THSD4: variants seen among roughly 807,000 people sequenced by gnomAD.
THSD4 encodes thrombospondin type-1 domain-containing protein 4.
In THSD4, 69 loss-of-function variants were observed where a neutral mutation model predicts 119.0. That is an observed-to-expected ratio of 0.58 (90% CI 0.48 to 0.71). The LOEUF is 0.71. Among genes scored for constraint, THSD4 ranks in the 30% least tolerant of loss-of-function variants. THSD4 has a pLI of 0.00. For missense variants in THSD4, 1,393 were observed against 1,391.1 expected, an observed-to-expected ratio of 1.00 and a Z score of -0.02; for synonymous variants, 524 against 540.4, an observed-to-expected ratio of 0.97 and a Z score of 0.42.
chr15:71,741,530 T>C (rs2053235016), intron 11 of THSD4, among the ~76,000 whole-genome samples: 1 of 151,986 alleles, frequency 6.6e-6, no homozygotes, highest in African/African-American at 2.4e-5. Context: ...CTGAACAATC[T>C]CTTTCTCTAG....
chr15:71,623,641 G>A lies in THSD4; in HGVS notation c.1153-36889G>A, dbSNP rs574084369. On this transcript the variant is annotated intron_variant, in intron 7 of 17. Transcript: ENST00000261862. The stretch of plus-strand genomic sequence containing the variant: ...AAGTTTAAAATCTAATCAGAGAATC[G>A]GCCGGAAGCAGTGGCTCACGCCTGT... 2.2e-3 allele frequency among the ~76,000 whole-genome samples: 334 copies of A among 152,190 alleles called. 2 individuals are homozygous for A. Among genetic ancestry groups the A allele is most frequent in the African/African-American group, 7.7e-3 (319 of 41,524 alleles).
chr15:71,389,834 G>C (rs2046351818), intron 6 of THSD4, among the ~76,000 whole-genome samples: 1 of 12,698 alleles, frequency 7.9e-5, no homozygotes. Flanking sequence ...TTTTGACACA[G>C]AGTCTCGCTC....
intron 7 of THSD4, among the ~76,000 whole-genome samples, chr15:71,659,313 C>T (rs1418455070): frequency 6.6e-6 from 1 of 152,174 alleles, no homozygotes; most frequent in East Asian, 1.9e-4. Flanking sequence ...ACATGAGTCC[C>T]AATTTTAGAT....
chr15:71,759,881 T>C (rs1261785903), intron 15 of THSD4, among the ~76,000 whole-genome samples: 2 of 152,156 alleles, frequency 1.3e-5, no homozygotes, highest in African/African-American at 4.8e-5. Flanking sequence ...AAAGGATTTG[T>C]TGCCCTGTTG....
At chr15:71,704,656 G>A (rs1285388253) in intron 8 of THSD4, among the ~76,000 whole-genome samples, 1 of 152,214 alleles carries the variant, frequency 6.6e-6, no homozygotes, top group Admixed American at 6.5e-5. Context: ...TCAGAGCTAA[G>A]TATTTATTCA....
At chr15:71,640,467 G>A (rs1013808473) in intron 7 of THSD4, among the ~76,000 whole-genome samples, 2 of 152,110 alleles carry the variant, frequency 1.3e-5, no homozygotes, top group Admixed American at 6.5e-5. Flanking sequence ...GAGCCAGGGG[G>A]TTGCCAGGAC....
chr15:71,242,330 T>A (rs2044159741), intron 4 of THSD4, among the ~76,000 whole-genome samples: 1 of 152,232 alleles, frequency 6.6e-6, no homozygotes. Flanking sequence ...CCTACAAAAA[T>A]GCCCAGACTC....
chr15:71,345,731 T>C (rs1420086818), intron 6 of THSD4, among the ~76,000 whole-genome samples: 19 of 151,978 alleles, frequency 1.3e-4, no homozygotes, highest in Admixed American at 1.0e-3. Context: ...CTTTCTAAGA[T>C]GCCCCTAAAG....
intron 5 of THSD4, 46 bp from the exon 6 acceptor site, chr15:71,256,567 T>C (rs769800713): frequency 6.5e-7 from 1 of 1,531,330 alleles, no homozygotes; most frequent in Admixed American, 1.8e-5. Flanking sequence ...CCTGGAGCTA[T>C]GAAAAGTATG....
At chr15:71,716,388 G>A (rs1055096052) in intron 8 of THSD4, among the ~76,000 whole-genome samples, 9 of 152,196 alleles carry the variant, frequency 5.9e-5, no homozygotes, top group Non-Finnish European at 8.8e-5. Context: ...ATTCAACCCA[G>A]TATAGGATAT....
intron 8 of THSD4, among the ~76,000 whole-genome samples, chr15:71,706,491 T>C (rs1286965910): frequency 1.3e-5 from 2 of 152,114 alleles, no homozygotes; most frequent in East Asian, 3.9e-4. Context: ...TGTGGATAGT[T>C]GGGATTGTCC....
At chr15:71,453,762 C>A (rs190338232) in intron 7 of THSD4, among the ~76,000 whole-genome samples, 30 of 152,240 alleles carry the variant, frequency 2.0e-4, no homozygotes, top group African/African-American at 6.7e-4. Flanking sequence ...TGAATAGGTA[C>A]ATGTAAAAAA....
chr15:71,677,950 C>G (rs929423004), intron 8 of THSD4, among the ~76,000 whole-genome samples: 9 of 152,146 alleles, frequency 5.9e-5, no homozygotes, highest in African/African-American at 2.2e-4. Flanking sequence ...GATTTGACAC[C>G]GCTATCCTTG....
intron 4 of THSD4, among the ~76,000 whole-genome samples, chr15:71,236,096 G>A (rs11853555): frequency 2.6e-5 from 4 of 152,094 alleles, no homozygotes; most frequent in South Asian, 2.1e-4. Context: ...GCTGTGGCCC[G>A]TGTGGGGTTC....
At chr15:71,525,960 A>G (rs539544667) in intron 7 of THSD4, among the ~76,000 whole-genome samples, 19 of 152,320 alleles carry the variant, frequency 1.2e-4, no homozygotes, top group Admixed American at 1.2e-3. Flanking sequence ...ACACGCAGAC[A>G]CTCAGTAAAC....
chr15:71,245,885 T>C (rs992721961), intron 5 of THSD4, among the ~76,000 whole-genome samples: 1 of 152,152 alleles, frequency 6.6e-6, no homozygotes, highest in African/African-American at 2.4e-5. Context: ...AAACAGGCCT[T>C]TCTAAGGGGA....
At chr15:71,733,053 A>G (rs1265726969) in intron 10 of THSD4, 1 of 152,268 alleles carries the variant, frequency 6.6e-6, no homozygotes, top group Non-Finnish European at 1.5e-5. Context: ...AGTTTGGGTA[A>G]GATTTCTGGG....
intron 7 of THSD4, among the ~76,000 whole-genome samples, chr15:71,633,269 C>CTTTTTTTTTTTTTTTTTTTTTTTTTTT (rs67682951): frequency 4.7e-5 from 3 of 63,158 alleles, no homozygotes; most frequent in Admixed American, 2.1e-4. Flanking sequence ...TTCTTTCTTT[C>CTTTTTTTTTTTTTTTTTTTTTTTTTTT]TTTTTTTTTT....
At chr15:71,166,526 A>G (rs987241766) in intron 3 of THSD4, among the ~76,000 whole-genome samples, 1 of 152,112 alleles carries the variant, frequency 6.6e-6, no homozygotes, top group African/African-American at 2.4e-5. Flanking sequence ...TATGGAGGTG[A>G]TGGGGCAAAG....
Sources: gnomAD v4.1 joint callset for allele counts (sites outside exome capture counted in the v4.1 genomes callset) on GRCh38, gnomAD v4.1.1 for gene constraint, MANE v1.5 for transcripts, NCBI Gene and HGNC (gene_info 2026-07-23, HGNC 2026-07-21) for gene names.